The following MACF1 variants were observed in gnomAD, a reference collection of about 807,000 sequenced individuals.
The protein encoded by MACF1 is microtubule-actin cross-linking factor 1.
Under a neutral mutation model 854.8 loss-of-function variants are expected in MACF1, and 193 were observed. The observed-to-expected ratio is 0.23, with a 90% CI of 0.20 to 0.25. The LOEUF (loss-of-function observed/expected upper bound fraction) is 0.25, where lower values mean the gene tolerates loss of function less well. Ranked by LOEUF, MACF1 falls within the 10% of genes least tolerant of loss-of-function variation. The probability of loss-of-function intolerance (pLI) is 1.00; values close to 1 mark genes in which losing one functional copy is unlikely to be tolerated. For missense variants in MACF1, 7,722 were observed against 8,929.1 expected (o/e 0.86, Z 5.45); for synonymous variants, 3,185 against 3,226.7 (o/e 0.99, Z 0.44).
intron 11 of MACF1, 105 bp from the exon 12 acceptor site, chr1:39,284,978 C>T: frequency 1.4e-6 from 2 of 1,437,854 alleles, no homozygotes; most frequent in Admixed American, 2.0e-5. Flanking sequence ...GGAAAAACTG[C>T]TGAATGGCTG....
rs1196186036 is a variant in MACF1 at position 39,251,848 on chromosome 1, GCCAGCAGGGCTGAAGA to G, written c.267_282del (p.Ala90SerfsTer4). 1 of 1,418,880 alleles carries G rather than the reference GCCAGCAGGGCTGAAGA, an allele frequency of 7.0e-7. No homozygotes were observed. Among genetic ancestry groups the G allele is most frequent in the African/African-American group, 1.5e-5 (1 of 68,844 alleles). 87.9% of individuals were successfully genotyped at this position (1,418,880 alleles called of 1,614,324 possible). ...TTTGCCTTGGTTGGTGGCCAAAGGA[GCCAGCAGGGCTGAAGA>G]CCCTCCGTCTGGTGAGCATGCCCTC... On this transcript the variant is annotated frameshift_variant, in exon 4 of 101. Coordinates refer to ENST00000564288, the MANE Select transcript of MACF1 (RefSeq NM_001394062.1). LOFTEE classifies it high-confidence loss of function.
chr1:39,103,669 G>A (rs1642150933), intron 2 of MACF1: 1 of 152,306 alleles, frequency 6.6e-6, no homozygotes. Flanking sequence ...ACCAAACTGA[G>A]AACTAGTTTT....
intron 49 of MACF1, among the ~76,000 whole-genome samples, chr1:39,363,336 C>T (rs982980312): frequency 6.6e-6 from 1 of 152,106 alleles, no homozygotes; most frequent in Non-Finnish European, 1.5e-5. Context: ...CTGTCTCTTC[C>T]ATCCCATTTT....
At position 39,453,721 on chromosome 1, in the gene MACF1, A is replaced by T. The variant is rs1644383287; in HGVS notation, c.20757A>T (p.Lys6919Asn). 6.2e-7 allele frequency: 1 copy of T among 1,614,050 alleles called. No individual in the cohort carries two copies. The highest frequency in any genetic ancestry group is 8.5e-7 in the Non-Finnish European group (1 of 1,180,010). The part of the protein sequence containing the change: ...LIDTHKEFMK[K>N]VEEKRVDVNS... ...TTTTTGTTTAGGAATTCATGAAGAA[A>T]GTAGAAGAAAAGCGAGTGGACGTTA... Residue 6919 changes from lysine (K) to asparagine (N), a missense_variant, in exon 88 of 101, where the codon AAA becomes AAT. Coordinates refer to ENST00000564288, the MANE Select transcript of MACF1 (RefSeq NM_001394062.1).
Position 39,084,522 on chromosome 1 carries a change from G to C in MACF1, c.220+84G>C. 5.1e-6 allele frequency: 6 copies of C among 1,166,406 alleles called. No homozygotes were observed. Among genetic ancestry groups the C allele is most frequent in the Non-Finnish European group, 7.4e-6 (6 of 813,690 alleles). 72.3% of individuals were successfully genotyped at this position (1,166,406 alleles called of 1,614,324 possible). ...GCACAGCAGCTGTGTGGGGAGCCGA[G>C]GGGTCCTCACCAGGGCCTCTGACAA... On this transcript the variant is annotated intron_variant, in intron 2 of 93. Transcript: ENST00000361689. The surrounding 1 kb of genome is among the most constrained non-coding windows in gnomAD (Gnocchi z 5.2).
intron 58 of MACF1, among the ~76,000 whole-genome samples, chr1:39,407,577 T>C (rs1642761252): frequency 6.6e-6 from 1 of 152,220 alleles, no homozygotes; most frequent in Non-Finnish European, 1.5e-5. Flanking sequence ...CAGCAGCCGT[T>C]GTTGAAGTGA....
intron 2 of MACF1, among the ~76,000 whole-genome samples, chr1:39,190,166 T>G (rs1644232697): frequency 6.6e-6 from 1 of 151,900 alleles, no homozygotes; most frequent in African/African-American, 2.4e-5. Flanking sequence ...AACCAGAGAG[T>G]GCTTTTTGTT....
rs1451757751 is a variant in MACF1 at position 39,353,136 on chromosome 1, G to T, written c.11329G>T (p.Ala3777Ser). The change falls in exon 44 of 101, where the codon GCT (alanine) becomes TCT (serine). Residue 3777 changes from alanine to serine, a missense_variant. This residue lies in a region of MACF1 where 2,807 missense variants were observed against 3,235.8 expected (regional missense o/e 0.87). Coordinates refer to ENST00000564288, the MANE Select transcript of MACF1 (RefSeq NM_001394062.1). ...NLPGMEQLSGASLEKGALDTT... is the reference protein window; with the variant it reads ...NLPGMEQLSGSSLEKGALDTT... ...TCCAGGAATGGAGCAGCTCTCGGGAGCTAGCTTGGAGAAAGGAGCCTTGGA... is the reference window on the plus strand; with the variant it reads ...TCCAGGAATGGAGCAGCTCTCGGGATCTAGCTTGGAGAAAGGAGCCTTGGA... The T allele has an allele frequency of 6.2e-7, 1 of 1,614,050 alleles. No individual in the cohort carries two copies. The highest frequency in any genetic ancestry group is 1.7e-5 in the Admixed American group (1 of 60,000).
chr1:39,395,939 C>A (rs953674126), intron 58 of MACF1, among the ~76,000 whole-genome samples: 3 of 152,166 alleles, frequency 2.0e-5, no homozygotes, highest in Non-Finnish European at 2.9e-5. Flanking sequence ...GAGCCTCATG[C>A]CCCAGTGAAG....
In MACF1 at chr1:39,380,385, C is replaced by G; in HGVS notation, c.13648+12C>G. ...TCAGGAAGAACTCAGTAAGTTTTCA[C>G]AAGAGTGTTACAAATTTGCTAAGTT... On this transcript the variant is annotated intron_variant, in intron 55 of 100. Coordinates refer to ENST00000564288, the MANE Select transcript of MACF1 (RefSeq NM_001394062.1). 6.2e-7 allele frequency: 1 copy of G among 1,608,838 alleles called. No individual in the cohort carries two copies. Among genetic ancestry groups the G allele is most frequent in the Non-Finnish European group, 8.5e-7 (1 of 1,178,124 alleles).
chr1:39,180,808 G>C (rs150402033), intron 2 of MACF1, among the ~76,000 whole-genome samples: 1 of 152,170 alleles, frequency 6.6e-6, no homozygotes, highest in Non-Finnish European at 1.5e-5. Flanking sequence ...GCTATGGTTG[G>C]CTAAGTCTCT....
intron 31 of MACF1, among the ~76,000 whole-genome samples, chr1:39,322,359 T>G (rs1156402934): frequency 6.6e-6 from 1 of 152,216 alleles, no homozygotes; most frequent in Non-Finnish European, 1.5e-5. Flanking sequence ...TTTTTAGTGT[T>G]CATAAATAAA....
At position 39,340,881 on chromosome 1, in the gene MACF1, TA is replaced by T; in HGVS notation, c.10510del (p.Ile3504PhefsTer2). ...GAGCCTGGGTTGGCAATAAAAATCT[TA>T]TTCTGAACAGCAAGGGATCTAACAG... Reference protein sequence around the residue: ...LRAWVGNKNLILNSKGSNSEI... With the variant: ...LRAWVGNKNLXLNSKGSNSEI... On this transcript the variant is annotated frameshift_variant, in exon 40 of 101. Transcript: ENST00000564288. LOFTEE classifies it high-confidence loss of function. 6.2e-7 allele frequency: 1 copy of T among 1,614,072 alleles called. No individual in the cohort carries two copies. Among genetic ancestry groups the T allele is most frequent in the South Asian group, 1.1e-5 (1 of 91,068 alleles).
intron 6 of MACF1, among the ~76,000 whole-genome samples, chr1:39,273,341 T>A (rs1192836719): frequency 6.6e-6 from 1 of 151,804 alleles, no homozygotes; most frequent in African/African-American, 2.4e-5. Flanking sequence ...TTCGAGTCTC[T>A]ACAATTTTAG....
chr1:39,110,430 G>T (rs1345932037), intron 2 of MACF1, among the ~76,000 whole-genome samples: 1 of 151,862 alleles, frequency 6.6e-6, no homozygotes, highest in Non-Finnish European at 1.5e-5. Context: ...AAGAGAAAAG[G>T]TCTCACTATG....
chr1:39,200,901 C>A (rs1171274855), upstream of MACF1, among the ~76,000 whole-genome samples: 5 of 152,074 alleles, frequency 3.3e-5, no homozygotes, highest in African/African-American at 7.2e-5. Context: ...ATGGCGAAAC[C>A]CGGTTTCTAC....
In MACF1 at chr1:39,430,087, A is replaced by G. The variant is rs1364757992; in HGVS notation, c.17130+19A>G. The G allele has an allele frequency of 3.8e-6, 6 of 1,593,178 alleles. No homozygotes were observed. The highest frequency in any genetic ancestry group is 5.1e-6 in the Non-Finnish European group (6 of 1,172,320). ...ACAGAAGGTGAGCTGTTACTTTACC[A>G]TAAAAAGAAAAAAAGGCTTCCTCTT... On this transcript the variant is annotated intron_variant, in intron 65 of 100. Transcript: ENST00000564288.
intron 6 of MACF1, chr1:39,269,002 G>T (rs114275074): frequency 7.8e-7 from 1 of 1,287,356 alleles, no homozygotes; most frequent in Admixed American, 2.3e-5. Context: ...GTAGTCGATC[G>T]GGGGATGATA....
At chr1:39,429,802 A>C in intron 64 of MACF1, 25 bp from the exon 65 acceptor site, 1 of 1,611,722 alleles carries the variant, frequency 6.2e-7, no homozygotes, top group Non-Finnish European at 8.5e-7. Flanking sequence ...CTTAAATATG[A>C]GTAATTGTGT....
Sources: allele counts gnomAD v4.1 joint callset (sites outside exome capture counted in the v4.1 genomes callset), GRCh38; gene constraint gnomAD v4.1.1; regional missense constraint gnomAD v4.1.1; non-coding constraint Gnocchi (gnomAD v3.1); transcripts MANE v1.5; gene names NCBI Gene and HGNC (gene_info 2026-07-23, HGNC 2026-07-21).